The following FNIP1 variants were observed in gnomAD, a reference collection of about 807,000 sequenced individuals.
FNIP1 encodes folliculin-interacting protein 1.
In FNIP1, 40 loss-of-function variants were observed where a neutral mutation model predicts 124.5. The observed-to-expected ratio is 0.32, with a 90% CI of 0.25 to 0.42. The LOEUF (loss-of-function observed/expected upper bound fraction) is 0.42. FNIP1 is among the 10% of genes least tolerant of loss of function. The pLI is 1.00. For missense variants in FNIP1, 1,176 were observed against 1,403.7 expected, an observed-to-expected ratio of 0.84 and a Z score of 2.59; for synonymous variants, 472 against 470.6, an observed-to-expected ratio of 1.00 and a Z score of -0.04.
intron 1 of FNIP1, among the ~76,000 whole-genome samples, chr5:131,745,833 C>A (rs183236488): frequency 6.6e-6 from 1 of 152,192 alleles, no homozygotes; most frequent in East Asian, 1.9e-4. Flanking sequence ...AAACGTGCAA[C>A]GTTTGTCTAG....
At chr5:131,783,582 A>G (rs1239813607) in intron 1 of FNIP1, among the ~76,000 whole-genome samples, 2 of 152,178 alleles carry the variant, frequency 1.3e-5, no homozygotes, top group Non-Finnish European at 2.9e-5. Context: ...AAATGTCTCC[A>G]GATTAAAAGC....
At chr5:131,703,978 AT>A in intron 10 of FNIP1, 86 bp downstream of exon 10, 1 of 1,187,418 alleles carries the variant, frequency 8.4e-7, no homozygotes, top group Non-Finnish European at 1.2e-6. Flanking sequence ...ACGTCTGTTA[AT>A]TTTTCTGCCA....
At chr5:131,743,740 A>G (rs1467792545) in intron 2 of FNIP1, among the ~76,000 whole-genome samples, 1 of 152,170 alleles carries the variant, frequency 6.6e-6, no homozygotes, top group Non-Finnish European at 1.5e-5. Flanking sequence ...TCCACCATGT[A>G]AAGGGTAGAG....
At chr5:131,783,461 A>G (rs529030174) in intron 1 of FNIP1, among the ~76,000 whole-genome samples, 1 of 152,154 alleles carries the variant, frequency 6.6e-6, no homozygotes, top group South Asian at 2.1e-4. Context: ...ACCAAAAAAA[A>G]AAAACAAGAA....
intron 1 of FNIP1, among the ~76,000 whole-genome samples, chr5:131,755,195 T>C (rs554908771): frequency 6.8e-4 from 103 of 150,940 alleles, no homozygotes; most frequent in Non-Finnish European, 1.2e-3. Context: ...CCAAGGTGGG[T>C]GGATCTCCTG....
At chr5:131,660,664 C>A (rs1308236957) in intron 15 of FNIP1, among the ~76,000 whole-genome samples, 1 of 152,182 alleles carries the variant, frequency 6.6e-6, no homozygotes, top group African/African-American at 2.4e-5. Context: ...GGGTGGCTGG[C>A]CTTGTGTCTA....
intron 15 of FNIP1, among the ~76,000 whole-genome samples, chr5:131,664,456 C>A (rs554181575): frequency 1.3e-5 from 2 of 151,648 alleles, no homozygotes; most frequent in African/African-American, 4.8e-5. Context: ...GATAATACAG[C>A]GAGACCCCAT....
At chr5:131,685,803 TA>T (rs5871433) in intron 11 of FNIP1, among the ~76,000 whole-genome samples, 146 of 149,104 alleles carry the variant, frequency 9.8e-4, no homozygotes, top group African/African-American at 3.5e-3. Context: ...TCACTCCAGT[TA>T]AAAAAAAAAA....
At chr5:131,724,034 C>T (rs13189442) in intron 3 of FNIP1, among the ~76,000 whole-genome samples, 27 of 152,224 alleles carry the variant, frequency 1.8e-4, no homozygotes, top group Middle Eastern at 3.4e-3. Flanking sequence ...GCAAAGGACA[C>T]GAACTCATCC....
intron 1 of FNIP1, among the ~76,000 whole-genome samples, chr5:131,784,509 A>G (rs1039653262): frequency 3.3e-5 from 5 of 152,150 alleles, no homozygotes; most frequent in African/African-American, 9.7e-5. Context: ...AATAAACAGT[A>G]TATTTAATTT....
rs1330161639 is a variant in FNIP1, at chr5:131,643,148, T to A, written c.*1537A>T. 1 of 152,334 alleles carries A rather than the reference T, an allele frequency of 6.6e-6. No homozygotes were observed. Among genetic ancestry groups the A allele is most frequent in the Non-Finnish European group, 1.5e-5 (1 of 68,028 alleles). The allele number at this position is 152,334 out of a possible 1,614,324, so 9.4% of individuals were successfully genotyped here. On this transcript the variant is annotated 3_prime_UTR_variant, in exon 18 of 18. Transcript: ENST00000510461. ...ACACCAATTTCAGGTTTACATTCCA[T>A]TAAAACAACAATTTTTTCTTTGTCT...
At chr5:131,764,980 T>C (rs1240764353) in intron 1 of FNIP1, among the ~76,000 whole-genome samples, 2 of 152,050 alleles carry the variant, frequency 1.3e-5, no homozygotes, top group Non-Finnish European at 2.9e-5. Context: ...TCCAGCAATT[T>C]GGGAGGTTGA....
chr5:131,672,854 G>T lies in FNIP1; in HGVS notation c.1590C>A (p.Asp530Glu). The T allele has an allele frequency of 6.2e-7, 1 of 1,607,206 alleles. No homozygotes were observed. Among genetic ancestry groups the T allele is most frequent in the Non-Finnish European group, 8.5e-7 (1 of 1,177,198 alleles). ...ARTVVVGKRQ[D>E]MVQRLLYFLT... ...GAAAATAAAGTAGCCTCTGGACCAT[G>T]TCTTGTCGTTTGCCAACTACCACAG... The change falls in exon 14 of 18, where the codon GAC becomes GAA. Residue 530 changes from aspartate to glutamate, a missense_variant. By Grantham distance (45) the Asp-to-Glu change is conservative. Coordinates refer to ENST00000510461, the MANE Select transcript of FNIP1 (RefSeq NM_133372.3).
At position 131,643,873 on chromosome 5, in the gene FNIP1, T is replaced by C. The variant is rs976044061; in HGVS notation, c.*812A>G. On this transcript the variant is annotated 3_prime_UTR_variant, in exon 18 of 18. Transcript: ENST00000510461. ...AAATTAGTGAATATGTAAATATTAA[T>C]ATTTATAAGAACAGTTCATACTTAT... The C allele has an allele frequency of 6.6e-6, 1 of 152,548 alleles. No individual in the cohort carries two copies. The highest frequency in any genetic ancestry group is 2.4e-5 in the African/African-American group (1 of 41,442). The allele number at this position is 152,548 out of a possible 1,614,324, so 9.4% of individuals were successfully genotyped here.
chr5:131,765,596 A>G (rs1771392864), intron 1 of FNIP1, among the ~76,000 whole-genome samples: 1 of 152,108 alleles, frequency 6.6e-6, no homozygotes, highest in African/African-American at 2.4e-5. Flanking sequence ...AGAATATTAA[A>G]CCCTTTTAAT....
chr5:131,710,745 C>T (rs964098606), intron 6 of FNIP1, 84 bp from the exon 7 acceptor site: 1 of 1,174,842 alleles, frequency 8.5e-7, no homozygotes, highest in Non-Finnish European at 1.2e-6. Flanking sequence ...TGAGCTAAGG[C>T]AGCACAAGAG....
intron 1 of FNIP1, among the ~76,000 whole-genome samples, chr5:131,794,671 C>T (rs575893430): frequency 1.0e-3 from 156 of 152,054 alleles, no homozygotes; most frequent in Admixed American, 2.7e-3. Context: ...GGTGGCTCAT[C>T]CCTGTAAGCC....
chr5:131,698,082 T>C (rs1768769000), intron 11 of FNIP1, among the ~76,000 whole-genome samples: 1 of 151,624 alleles, frequency 6.6e-6, no homozygotes, highest in South Asian at 2.1e-4. Flanking sequence ...CTTATAACAA[T>C]CTATTAGATT....
chr5:131,665,484 A>G (rs1043489837), intron 15 of FNIP1, among the ~76,000 whole-genome samples: 1 of 151,804 alleles, frequency 6.6e-6, no homozygotes, highest in Non-Finnish European at 1.5e-5. Flanking sequence ...TTATTTATAT[A>G]TTAAAAGGTT....
Sources: gnomAD v4.1 joint callset for allele counts (sites outside exome capture counted in the v4.1 genomes callset) on GRCh38, gnomAD v4.1.1 for gene constraint, MANE v1.5 for transcripts, NCBI Gene and HGNC (gene_info 2026-07-23, HGNC 2026-07-21) for gene names.